The following IFT140 variants were observed in gnomAD, a reference collection of about 807,000 sequenced individuals.
IFT140 encodes intraflagellar transport 140, also known as intraflagellar transport protein 140 homolog.
In IFT140, 133 loss-of-function variants were observed where a neutral mutation model predicts 164.6. That is an observed-to-expected ratio of 0.81 (90% CI 0.70 to 0.93). The LOEUF is 0.93. Among genes scored for constraint, IFT140 ranks in the 40% least tolerant of loss-of-function variants. The pLI is 0.00. For synonymous variants in IFT140, 860 were observed against 817.3 expected, an observed-to-expected ratio of 1.05 and a Z score of -0.89; for missense variants, 2,045 against 1,972.3, an observed-to-expected ratio of 1.04 and a Z score of -0.70.
rs909177437 is a variant in IFT140, at chr16:1,564,993, G to GC, written c.1902-832dup. On this transcript the variant is annotated intron_variant, in intron 16 of 30. Coordinates refer to ENST00000426508, the MANE Select transcript of IFT140 (RefSeq NM_014714.4). The surrounding 1 kb of genome is among the most constrained non-coding windows in gnomAD (Gnocchi z 5.5). ...ACAAGGCGGCTCTGAGGCCCAGAGA[G>GC]CCCGGGGACACAAGCTGGTTCCCGT... 6.6e-6 allele frequency among the ~76,000 whole-genome samples: 1 copy of GC among 152,208 alleles called. No individual in the cohort carries two copies. Among genetic ancestry groups the GC allele is most frequent in the African/African-American group, 2.4e-5 (1 of 41,442 alleles).
rs188958428 is a variant in IFT140 at position 1,594,910 on chromosome 16, C to T, written c.370-2322G>A. ...CTTCCCACCGCCTTTTCAGGCAGCA[C>T]CGACTCCAATCTCCCCAAATGCTGG... is the stretch of plus-strand genomic sequence containing the variant. On this transcript the variant is annotated intron_variant, in intron 4 of 30. Transcript: ENST00000426508. 1.1e-3 allele frequency among the ~76,000 whole-genome samples: 173 copies of T among 152,378 alleles called. 4 individuals are homozygous for T. The highest frequency in any genetic ancestry group is 3.4e-4 in the Non-Finnish European group (23 of 68,042).
rs2034991196 is a variant in IFT140 at position 1,588,153 on chromosome 16, A to G, written c.811-129T>C. On this transcript the variant is annotated intron_variant, in intron 7 of 30. Transcript: ENST00000426508. ...CACCAAGTGGGGGAAACATGGGGAC[A>G]AATGATAGAAACTCTGTGAGGTGGC... The G allele has an allele frequency of 4.3e-5, 29 of 674,530 alleles. No individual in the cohort carries two copies. In the South Asian group the frequency reaches 4.5e-4, roughly 10 times the overall value. 41.8% of individuals were successfully genotyped at this position (674,530 alleles called of 1,614,324 possible). A position where few individuals can be genotyped will look rare whatever the true frequency, so the allele number is the denominator to read the frequency against.
chr16:1,553,214 CTCTCTGTCTCCATCTG>C lies in IFT140; in HGVS notation c.2399+4705_2399+4720del. On this transcript the variant is annotated intron_variant, in intron 19 of 30. Transcript: ENST00000426508. This position sits in a 1 kb window ranked among gnomAD's most constrained non-coding sequence, Gnocchi z 4.4. The stretch of plus-strand genomic sequence containing the variant: ...CTTCCCTGTGTCTCTGTCTCTGTCT[CTCTCTGTCTCCATCTG>C]TCTCTGTGTCTGTCTCTGTCTCTCT... The C allele has an allele frequency of 1.0e-6, 1 of 981,154 alleles. No homozygotes were observed. The highest frequency in any genetic ancestry group is 1.2e-6 in the Non-Finnish European group (1 of 826,090). 60.8% of individuals were successfully genotyped at this position (981,154 alleles called of 1,614,324 possible).
chr16:1,540,951 G>A, intron 19 of IFT140: 1 of 985,374 alleles, frequency 1.0e-6, no homozygotes, highest in Non-Finnish European at 1.2e-6. Flanking sequence ...AGCGTGCAGG[G>A]GCCTGGGAAC....
chr16:1,539,795 C>G (rs2031453819), intron 19 of IFT140, among the ~76,000 whole-genome samples: 1 of 152,226 alleles, frequency 6.6e-6, no homozygotes, highest in Non-Finnish European at 1.5e-5. Context: ...GTGCTCCGCT[C>G]TCCCCCTTGC....
rs1488796408 is a variant in IFT140 at position 1,520,323 on chromosome 16, T to G, written c.3681A>C (p.Lys1227Asn). The G allele has an allele frequency of 6.2e-7, 1 of 1,614,140 alleles. No homozygotes were observed. Among genetic ancestry groups the G allele is most frequent in the Non-Finnish European group, 8.5e-7 (1 of 1,180,026 alleles). ...NKLKAMRALL[K>N]SGDTEKITFF... Reference sequence around the variant, plus strand: ...ACGTGATTTTCTCCGTGTCTCCGGATTTGAGCAGCGCCCTCATGGCCTAGG... The same window carrying G: ...ACGTGATTTTCTCCGTGTCTCCGGAGTTGAGCAGCGCCCTCATGGCCTAGG... Residue 1227 changes from lysine (K) to asparagine (N), a missense_variant, in exon 28 of 31, where the codon AAA (lysine) becomes AAC (asparagine). Coordinates refer to ENST00000426508, the MANE Select transcript of IFT140 (RefSeq NM_014714.4).
chr16:1,576,911 C>T (rs2141694647), intron 13 of IFT140: 1 of 152,316 alleles, frequency 6.6e-6, no homozygotes, highest in South Asian at 2.1e-4. Context: ...CCTCCTGTTG[C>T]CACTGTGCTC....
chr16:1,526,857 C>T (rs112977910), intron 19 of IFT140, 61 bp from the exon 20 acceptor site: 43 of 1,508,608 alleles, frequency 2.9e-5, no homozygotes, highest in African/African-American at 1.8e-4. Context: ...CCTGGCCCTA[C>T]GGCCCCTTCT....
intron 26 of IFT140, 55 bp downstream of exon 26, chr16:1,523,463 G>C: frequency 6.4e-7 from 1 of 1,558,606 alleles, no homozygotes; most frequent in Non-Finnish European, 8.7e-7. Flanking sequence ...GGGGACAGGA[G>C]ACCTGAGCCG....
rs1256251217 is a variant in IFT140, at chr16:1,599,795, C to T, written c.369+2575G>A. On this transcript the variant is annotated intron_variant, in intron 4 of 30. Coordinates refer to ENST00000426508, the MANE Select transcript of IFT140 (RefSeq NM_014714.4). ...GAGGGAGGTGGGGGTGTCAGCCCCC[C>T]GCCCGGCCAGCCGCCCCGTCCAGGA... Among the ~76,000 whole-genome samples the T allele has an allele frequency of 1.6e-4, 12 of 73,276 alleles. 1 individual carries two copies. The highest frequency in any genetic ancestry group is 9.4e-4 in the African/African-American group (10 of 10,676). The allele number at this position is 73,276 out of a possible 152,430, so 48.1% of individuals were successfully genotyped here.
intron 19 of IFT140, among the ~76,000 whole-genome samples, chr16:1,537,747 A>G (rs905145949): frequency 1.3e-5 from 2 of 152,210 alleles, no homozygotes; most frequent in African/African-American, 2.4e-5. Context: ...CATCTGAAAC[A>G]AGGTGGCTTG....
chr16:1,587,830 T>C lies in IFT140; in HGVS notation c.902+103A>G, dbSNP rs896459863. On this transcript the variant is annotated intron_variant, in intron 8 of 30. Transcript: ENST00000426508. ...TCCAGTATGAGAGCACTCAGCATCATATGTGCATTTTACATATGCTCCATT... is the reference window on the plus strand; with the variant it reads ...TCCAGTATGAGAGCACTCAGCATCACATGTGCATTTTACATATGCTCCATT... 3.0e-5 allele frequency: 26 copies of C among 855,674 alleles called. 1 individual carries two copies. Among genetic ancestry groups the C allele is most frequent in the Non-Finnish European group, 4.0e-5 (22 of 543,566 alleles). The allele number at this position is 855,674 out of a possible 1,614,324, so 53.0% of individuals were successfully genotyped here.
At chr16:1,594,831 A>G (rs1056337186) in intron 4 of IFT140, among the ~76,000 whole-genome samples, 30 of 152,200 alleles carry the variant, frequency 2.0e-4, no homozygotes, top group Non-Finnish European at 3.7e-4. Context: ...AGCACTCCCC[A>G]GGGGACGCTT....
intron 26 of IFT140, 64 bp downstream of exon 26, chr16:1,523,454 G>A: frequency 1.3e-6 from 2 of 1,535,132 alleles, no homozygotes; most frequent in South Asian, 1.2e-5. Flanking sequence ...ACAGCCTCTG[G>A]GGACAGGAGA....
At chr16:1,556,665 A>C (rs1454565870) in intron 19 of IFT140, among the ~76,000 whole-genome samples, 6 of 152,228 alleles carry the variant, frequency 3.9e-5, no homozygotes, top group Non-Finnish European at 8.8e-5. Context: ...ACAGCGTAGA[A>C]ATACCAGATT....
rs2032615832 is a variant in IFT140 at position 1,551,305 on chromosome 16, T to A, written c.2399+6630A>T. On this transcript the variant is annotated intron_variant, in intron 19 of 30. Transcript: ENST00000426508. The surrounding 1 kb of genome is among the most constrained non-coding windows in gnomAD (Gnocchi z 4.0). ...GCTGGCAGGGGTGGGCAGGTGCAAC[T>A]CTAAGCCGAGGCCCGAAGGATCAGC... Among the ~76,000 whole-genome samples, 1 of 151,864 alleles carries A rather than the reference T, an allele frequency of 6.6e-6. No individual in the cohort carries two copies. Among genetic ancestry groups the A allele is most frequent in the Admixed American group, 6.6e-5 (1 of 15,256 alleles).
At chr16:1,547,418 C>T (rs575565193) in intron 19 of IFT140, among the ~76,000 whole-genome samples, 1 of 152,358 alleles carries the variant, frequency 6.6e-6, no homozygotes, top group African/African-American at 2.4e-5. Context: ...GGTTGATACT[C>T]ACTGACATGG....
rs754813435 is a variant in IFT140, at chr16:1,518,362, C to T, written c.4041-5G>A. On this transcript the variant is annotated splice_region_variant and splice_polypyrimidine_tract_variant and intron_variant, in intron 29 of 30. Coordinates refer to ENST00000426508, the MANE Select transcript of IFT140 (RefSeq NM_014714.4). ...TTGGGGTCCTCTGTGTACGTCCTGCCGAGAGCAGAGATGAGGCCTGGGCCC... is the reference window on the plus strand; with the variant it reads ...TTGGGGTCCTCTGTGTACGTCCTGCTGAGAGCAGAGATGAGGCCTGGGCCC... 47 of 1,612,330 alleles carry T rather than the reference C, an allele frequency of 2.9e-5. No individual in the cohort carries two copies. The highest frequency in any genetic ancestry group is 3.4e-5 in the Non-Finnish European group (40 of 1,179,128).
intron 13 of IFT140, among the ~76,000 whole-genome samples, chr16:1,579,781 A>G (rs1189433807): frequency 6.6e-6 from 1 of 152,148 alleles, no homozygotes; most frequent in Non-Finnish European, 1.5e-5. Flanking sequence ...CCTGGCCAAC[A>G]TGGTGAAACC....
Sources: allele counts gnomAD v4.1 joint callset (sites outside exome capture counted in the v4.1 genomes callset), GRCh38; gene constraint gnomAD v4.1.1; non-coding constraint Gnocchi (gnomAD v3.1); transcripts MANE v1.5; gene names NCBI Gene and HGNC (gene_info 2026-07-23, HGNC 2026-07-21).